ARID3B: variants seen among roughly 807,000 people sequenced by gnomAD.
The protein encoded by ARID3B is AT-rich interactive domain-containing protein 3B.
Under a neutral mutation model 51.9 loss-of-function variants are expected in ARID3B, and 10 were observed. The ratio of observed to expected loss-of-function variants is 0.19; its 90% CI spans 0.12 to 0.33. ARID3B has a LOEUF of 0.33. ARID3B is among the 10% of genes least tolerant of loss of function. ARID3B has a pLI of 1.00. For synonymous variants in ARID3B, 205 were observed against 279.5 expected, an observed-to-expected ratio of 0.73 and a Z score of 2.66; for missense variants, 483 against 716.3, an observed-to-expected ratio of 0.67 and a Z score of 3.72.
At chr15:74,555,254 T>G (rs1473200539) in intron 2 of ARID3B, among the ~76,000 whole-genome samples, 1 of 152,178 alleles carries the variant, frequency 6.6e-6, no homozygotes, top group Non-Finnish European at 1.5e-5. Context: ...CTGATCTAGG[T>G]GCTGGGTACT....
chr15:74,577,831 C>G (rs2141469791), intron 4 of ARID3B, among the ~76,000 whole-genome samples: 1 of 152,216 alleles, frequency 6.6e-6, no homozygotes, highest in African/African-American at 2.4e-5. Flanking sequence ...CCACACCGTG[C>G]TGGGCCTCAG....
intron 4 of ARID3B, among the ~76,000 whole-genome samples, chr15:74,587,471 A>G (rs1329465656): frequency 6.6e-6 from 1 of 152,204 alleles, no homozygotes; most frequent in Non-Finnish European, 1.5e-5. Flanking sequence ...GTGTGGGGAA[A>G]GGGAGCTAGT....
chr15:74,578,090 C>T (rs368571545), intron 4 of ARID3B, among the ~76,000 whole-genome samples: 6 of 152,038 alleles, frequency 3.9e-5, no homozygotes, highest in African/African-American at 1.4e-4. Flanking sequence ...CTCCTGGCCT[C>T]GAGTGATCCG....
chr15:74,577,058 G>A (rs923661509), intron 4 of ARID3B, among the ~76,000 whole-genome samples: 2 of 152,216 alleles, frequency 1.3e-5, no homozygotes, highest in Non-Finnish European at 2.9e-5. Context: ...CCGTGGCAGT[G>A]TATAGTTGGG....
chr15:74,546,353 G>A (rs752875562), intron 2 of ARID3B, among the ~76,000 whole-genome samples: 2 of 152,206 alleles, frequency 1.3e-5, no homozygotes, highest in African/African-American at 2.4e-5. Flanking sequence ...GGCCCGAGGC[G>A]GCTGGGCTGC....
intron 2 of ARID3B, among the ~76,000 whole-genome samples, chr15:74,563,861 A>T (rs2061687870): frequency 6.6e-6 from 1 of 152,232 alleles, no homozygotes; most frequent in Non-Finnish European, 1.5e-5. Flanking sequence ...TTTGGTAGGA[A>T]CATCTATTTC....
At chr15:74,566,544 A>C (rs1173821681) in intron 2 of ARID3B, among the ~76,000 whole-genome samples, 1 of 151,596 alleles carries the variant, frequency 6.6e-6, no homozygotes, top group Non-Finnish European at 1.5e-5. Context: ...CGGAGGTTGT[A>C]GTGAGCCCAG....
chr15:74,573,303 T>C, intron 4 of ARID3B, 99 bp downstream of exon 4: 2 of 1,318,772 alleles, frequency 1.5e-6, no homozygotes, highest in Admixed American at 1.7e-5. Context: ...CTAATCCTCA[T>C]CCAGGAGGAG....
intron 4 of ARID3B, among the ~76,000 whole-genome samples, chr15:74,583,130 G>A (rs1044096578): frequency 6.6e-6 from 1 of 152,000 alleles, no homozygotes; most frequent in Non-Finnish European, 1.5e-5. Context: ...AGCCTGGGAG[G>A]CAGAGGCTGC....
Position 74,544,411 on chromosome 15 carries a change from A to G in ARID3B, c.475A>G (p.Lys159Glu), listed in dbSNP as rs374850745. 83 of 1,614,032 alleles carry G rather than the reference A, an allele frequency of 5.1e-5. No individual in the cohort carries two copies. The highest frequency in any genetic ancestry group is 3.3e-5 in the Admixed American group (2 of 60,008). Reference sequence around the variant, plus strand: ...ACAACAAGCTAAAGAAGACCATACCAAAGATGCTTCCAAGGCCTCACCTTC... The same window carrying G: ...ACAACAAGCTAAAGAAGACCATACCGAAGATGCTTCCAAGGCCTCACCTTC... ...HGQQAKEDHT[K>E]DASKASPSVS... The change falls in exon 2 of 9, where the codon AAA becomes GAA. Residue 159 changes from lysine (K) to glutamate (E), a missense_variant. Physicochemically the swap from Lys to Glu is moderately conservative, Grantham distance 56. Transcript: ENST00000346246.
intron 5 of ARID3B, among the ~76,000 whole-genome samples, chr15:74,590,486 C>T (rs746914154): frequency 3.9e-5 from 6 of 152,170 alleles, no homozygotes; most frequent in Admixed American, 6.5e-5. Context: ...GAAAGGCAGG[C>T]AGGAAGGCCC....
intron 4 of ARID3B, chr15:74,573,578 G>C (rs2061726894): frequency 8.3e-6 from 2 of 242,252 alleles, no homozygotes; most frequent in South Asian, 1.3e-4. Flanking sequence ...CATGGAGAAA[G>C]GTAAGTGAAA....
chr15:74,544,593 A>G (rs1192886800), intron 2 of ARID3B, 105 bp downstream of exon 2: 4 of 1,154,176 alleles, frequency 3.5e-6, no homozygotes, highest in Non-Finnish European at 4.9e-6. Context: ...TTCTCACCCC[A>G]CTTCGGTGAC....
chr15:74,573,664 ACC>A (rs2141466457), intron 4 of ARID3B: 1 of 172,382 alleles, frequency 5.8e-6, no homozygotes, highest in South Asian at 1.3e-4. Context: ...CTTTCTTCTT[ACC>A]CATTGGCTTT....
chr15:74,579,291 C>G (rs1295912878), intron 4 of ARID3B, among the ~76,000 whole-genome samples: 1 of 152,236 alleles, frequency 6.6e-6, no homozygotes, highest in African/African-American at 2.4e-5. Flanking sequence ...CCCCTCCCCT[C>G]CCTGAGCAGC....
intron 8 of ARID3B, among the ~76,000 whole-genome samples, chr15:74,594,818 C>G (rs538865119): frequency 9.9e-5 from 15 of 152,222 alleles, no homozygotes; most frequent in Non-Finnish European, 1.9e-4. Flanking sequence ...CTACCTGTCA[C>G]AGGAGGCCCC....
chr15:74,552,471 A>G (rs2061641748), intron 2 of ARID3B, among the ~76,000 whole-genome samples: 1 of 149,606 alleles, frequency 6.7e-6, no homozygotes, highest in South Asian at 2.2e-4. Context: ...CTGGGATTAC[A>G]GGCATGAGCC....
intron 2 of ARID3B, 110 bp downstream of exon 2, chr15:74,544,598 G>A (rs999132575): frequency 2.7e-5 from 29 of 1,087,280 alleles, no homozygotes; most frequent in Middle Eastern, 2.1e-4. Flanking sequence ...ACCCCACTTC[G>A]GTGACCAACA....
rs749934899 is a variant in ARID3B at position 74,591,697 on chromosome 15, G to A, written c.1303G>A (p.Glu435Lys). 9 of 1,613,480 alleles carry A rather than the reference G, an allele frequency of 5.6e-6. No homozygotes were observed. Among genetic ancestry groups the A allele is most frequent in the Non-Finnish European group, 7.6e-6 (9 of 1,179,800 alleles). ...GCGGCTGGAGTCAGGGGAGCCTGCT[G>A]AGAAGAAGGCATCGAGGCTGTCTGA... ...RERLESGEPAEKKASRLSEEE... is the reference protein window; with the variant it reads ...RERLESGEPAKKKASRLSEEE... Residue 435 changes from glutamate (E) to lysine (K), a missense_variant, in exon 7 of 9, where the codon GAG becomes AAG. Coordinates refer to ENST00000346246, the MANE Select transcript of ARID3B (RefSeq NM_006465.4). The surrounding 1 kb of genome is among the most constrained non-coding windows in gnomAD (Gnocchi z 5.8).
Sources: allele counts gnomAD v4.1 joint callset (sites outside exome capture counted in the v4.1 genomes callset), GRCh38; gene constraint gnomAD v4.1.1; non-coding constraint Gnocchi (gnomAD v3.1); transcripts MANE v1.5; gene names NCBI Gene and HGNC (gene_info 2026-07-23, HGNC 2026-07-21).